ARHGAP32: variants seen among roughly 807,000 people sequenced by gnomAD.
ARHGAP32 encodes the protein Rho GTPase activating protein 32.
ARHGAP32 carries 51 observed loss-of-function variants against 186.5 expected under a neutral mutation model. The observed-to-expected ratio is 0.27, with a 90% CI of 0.22 to 0.35. ARHGAP32 has a LOEUF of 0.35. Among genes scored for constraint, ARHGAP32 ranks in the 10% least tolerant of loss-of-function variants. The pLI, the probability that ARHGAP32 is intolerant of heterozygous loss-of-function variation, is 1.00. For synonymous variants in ARHGAP32, 950 were observed against 964.3 expected (o/e 0.99, Z 0.27); for missense variants, 2,186 against 2,623.5 (o/e 0.83, Z 3.64).
chr11:129,009,106 T>C (rs1040489152), intron 11 of ARHGAP32, among the ~76,000 whole-genome samples: 1 of 152,246 alleles, frequency 6.6e-6, no homozygotes, highest in Admixed American at 6.5e-5. Flanking sequence ...TTTTAATTTC[T>C]ATAATATTCA....
chr11:128,973,551 G>T, intron 21 of ARHGAP32, 119 bp from the exon 22 acceptor site: 2 of 1,088,846 alleles, frequency 1.8e-6, no homozygotes, highest in Non-Finnish European at 2.6e-6. Context: ...ATTTCAAAAT[G>T]GCAATCCATG....
intron 1 of ARHGAP32, among the ~76,000 whole-genome samples, chr11:129,244,966 T>G (rs990350634): frequency 7.2e-5 from 11 of 151,896 alleles, no homozygotes; most frequent in African/African-American, 2.7e-4. Context: ...CTGGAGAGGA[T>G]GTGGACAAAT....
intron 5 of ARHGAP32, among the ~76,000 whole-genome samples, chr11:129,105,297 G>A (rs1942018249): frequency 2.6e-5 from 4 of 152,150 alleles, no homozygotes; most frequent in African/African-American, 4.8e-5. Flanking sequence ...CACACGCACA[G>A]GGTAGGACAC....
At chr11:129,218,293 T>C (rs1944670153) in intron 1 of ARHGAP32, among the ~76,000 whole-genome samples, 1 of 152,200 alleles carries the variant, frequency 6.6e-6, no homozygotes, top group Non-Finnish European at 1.5e-5. Context: ...CTTCCTCAAA[T>C]GATAAACATG....
chr11:129,269,063 G>C (rs960461255), intron 1 of ARHGAP32, among the ~76,000 whole-genome samples: 2 of 152,110 alleles, frequency 1.3e-5, no homozygotes, highest in East Asian at 3.9e-4. Context: ...TTGAGTCCAG[G>C]AGTTCGAGAC....
intron 2 of ARHGAP32, among the ~76,000 whole-genome samples, chr11:129,139,274 T>G (rs1942998374): frequency 6.6e-6 from 1 of 152,066 alleles, no homozygotes; most frequent in Non-Finnish European, 1.5e-5. Flanking sequence ...ATAACAAAAC[T>G]CAGTCTTATT....
At chr11:129,151,335 G>A (rs927413869) in intron 2 of ARHGAP32, among the ~76,000 whole-genome samples, 2 of 152,032 alleles carry the variant, frequency 1.3e-5, no homozygotes, top group African/African-American at 4.8e-5. Flanking sequence ...AGTCAACAAA[G>A]AAACAATAGA....
At chr11:129,184,865 T>A (rs1450817707) in intron 1 of ARHGAP32, among the ~76,000 whole-genome samples, 3 of 151,978 alleles carry the variant, frequency 2.0e-5, no homozygotes, top group Non-Finnish European at 4.4e-5. Context: ...TCAGAGAATA[T>A]CACCCAGAGA....
At position 129,271,386 on chromosome 11, in the gene ARHGAP32, A is replaced by G. The variant is rs928145335; in HGVS notation, c.-5+7760T>C. ...GGAAAAAAAGAAATCAAGGAGGAGG[A>G]AGAATCCGGGGTTCTGGCCTGCGCA... is the stretch of plus-strand genomic sequence containing the variant. On this transcript the variant is annotated intron_variant, in intron 1 of 6. Coordinates refer to the ARHGAP32 transcript ENST00000525234. 5.9e-5 allele frequency among the ~76,000 whole-genome samples: 9 copies of G among 152,144 alleles called. No individual in the cohort carries two copies. In the East Asian group the frequency reaches 1.5e-3, roughly 26 times the overall value.
intron 1 of ARHGAP32, among the ~76,000 whole-genome samples, chr11:129,169,987 A>T (rs1307422741): frequency 6.6e-6 from 1 of 152,156 alleles, no homozygotes. Flanking sequence ...AGAGAAAATT[A>T]TAGGTTGATA....
chr11:129,006,242 T>C (rs1162655127), intron 11 of ARHGAP32, among the ~76,000 whole-genome samples: 1 of 152,180 alleles, frequency 6.6e-6, no homozygotes, highest in African/African-American at 2.4e-5. Flanking sequence ...TTACTTCATT[T>C]GGTGGGGTCA....
chr11:129,250,417 C>T (rs1020962793), intron 1 of ARHGAP32, among the ~76,000 whole-genome samples: 6 of 152,184 alleles, frequency 3.9e-5, no homozygotes, highest in African/African-American at 1.4e-4. Context: ...TACCGCAAAA[C>T]TTATTATCCT....
intron 10 of ARHGAP32, among the ~76,000 whole-genome samples, chr11:129,050,842 C>T (rs555313532): frequency 6.0e-4 from 91 of 152,252 alleles, no homozygotes; most frequent in African/African-American, 2.2e-3. Flanking sequence ...ATCCCTGTGT[C>T]CATGTGTTCT....
intron 11 of ARHGAP32, among the ~76,000 whole-genome samples, chr11:129,036,603 T>C (rs1382525769): frequency 6.6e-6 from 1 of 152,152 alleles, no homozygotes; most frequent in Non-Finnish European, 1.5e-5. Flanking sequence ...TGTTGAATTT[T>C]AGTAACTTCA....
chr11:129,197,234 T>C (rs1412367552), upstream of ARHGAP32, among the ~76,000 whole-genome samples: 1 of 152,172 alleles, frequency 6.6e-6, no homozygotes, highest in Non-Finnish European at 1.5e-5. Flanking sequence ...ATGATACTGC[T>C]GAAATGCTGA....
intron 1 of ARHGAP32, among the ~76,000 whole-genome samples, chr11:129,209,679 A>T (rs996306206): frequency 6.6e-6 from 1 of 152,242 alleles, no homozygotes; most frequent in African/African-American, 2.4e-5. Context: ...AAAAAAAAAA[A>T]AATTGTAAAA....
chr11:128,981,663 T>C lies in ARHGAP32; in HGVS notation c.1635-102A>G, dbSNP rs958980427. The C allele has an allele frequency of 5.2e-6, 7 of 1,337,166 alleles. No homozygotes were observed. The African/African-American group carries it at 7.3e-5, about 14-fold the overall frequency. 82.8% of individuals were successfully genotyped at this position (1,337,166 alleles called of 1,614,324 possible). Reference sequence around the variant, plus strand: ...CTCAGACAAACAGAGGAAGAAATCATACTTTTACTGTCCCTTAGCTAAGGC... The same window carrying C: ...CTCAGACAAACAGAGGAAGAAATCACACTTTTACTGTCCCTTAGCTAAGGC... On this transcript the variant is annotated intron_variant, in intron 16 of 22. Transcript: ENST00000682385.
At chr11:129,171,709 T>C (rs934492090) in intron 1 of ARHGAP32, among the ~76,000 whole-genome samples, 5 of 152,164 alleles carry the variant, frequency 3.3e-5, no homozygotes, top group Non-Finnish European at 4.4e-5. Context: ...TCTGTAAGAA[T>C]GTCAATGGTA....
intron 1 of ARHGAP32, among the ~76,000 whole-genome samples, chr11:129,240,713 C>A (rs1434315004): frequency 6.6e-6 from 1 of 152,178 alleles, no homozygotes; most frequent in Non-Finnish European, 1.5e-5. Flanking sequence ...TTCCTTCTCA[C>A]AAGCCCTAAA....
Sources: allele counts gnomAD v4.1 joint callset (sites outside exome capture counted in the v4.1 genomes callset), GRCh38; gene constraint gnomAD v4.1.1; transcripts MANE v1.5; gene names NCBI Gene and HGNC (gene_info 2026-07-23, HGNC 2026-07-21).